IFT46: variants seen among roughly 807,000 people sequenced by gnomAD.
The protein encoded by IFT46 is intraflagellar transport protein 46 homolog.
IFT46 carries 19 observed loss-of-function variants against 39.6 expected under a neutral mutation model. The ratio of observed to expected loss-of-function variants is 0.48; its 90% CI spans 0.33 to 0.70. IFT46 has a LOEUF of 0.70. Ranked by LOEUF, IFT46 falls within the 30% of genes least tolerant of loss-of-function variation. The pLI is 0.01. For synonymous variants in IFT46, 117 were observed against 134.8 expected, an observed-to-expected ratio of 0.87 and a Z score of 0.91; for missense variants, 334 against 364.8, an observed-to-expected ratio of 0.92 and a Z score of 0.69.
upstream of IFT46, among the ~76,000 whole-genome samples, chr11:118,569,547 G>T (rs782716710): frequency 6.6e-6 from 1 of 152,164 alleles, no homozygotes; most frequent in Admixed American, 6.5e-5. Context: ...AAGGCCATTG[G>T]AGATGGAATT....
intron 9 of IFT46, among the ~76,000 whole-genome samples, chr11:118,549,803 G>A (rs544151104): frequency 7.3e-5 from 11 of 151,618 alleles, no homozygotes; most frequent in Non-Finnish European, 1.5e-4. Context: ...GATTACAGGC[G>A]TGAGCCACTG....
At chr11:118,553,671 A>G (rs1243185833) in intron 7 of IFT46, among the ~76,000 whole-genome samples, 1 of 152,232 alleles carries the variant, frequency 6.6e-6, no homozygotes, top group Admixed American at 6.5e-5. Flanking sequence ...ACCCAACAGA[A>G]TAACAATATA....
intron 1 of IFT46, chr11:118,572,354 C>CCCCCCCCCCCCTCT: frequency 1.4e-5 from 2 of 143,538 alleles, no homozygotes; most frequent in South Asian, 2.4e-4. Flanking sequence ...CCCCGCCCCC[C>CCCCCCCCCCCCTCT]CCCCCGCCCT....
intron 9 of IFT46, among the ~76,000 whole-genome samples, chr11:118,548,366 AC>A (rs1338143746): frequency 1.4e-5 from 2 of 138,196 alleles, no homozygotes; most frequent in African/African-American, 5.4e-5. Flanking sequence ...CTCCATTACG[AC>A]TTTTTTTTTT....
At chr11:118,572,910 C>A in exon 1 of IFT46, 1 of 294,038 alleles carries the variant, frequency 3.4e-6, no homozygotes, top group Non-Finnish European at 6.3e-6. Flanking sequence ...CCGCCGGTTC[C>A]CTGGCGCTTA....
At chr11:118,558,509 T>C (rs1430716790) in intron 3 of IFT46, among the ~76,000 whole-genome samples, 1 of 151,544 alleles carries the variant, frequency 6.6e-6, no homozygotes, top group Non-Finnish European at 1.5e-5. Context: ...GCAGGAGAAT[T>C]GCTTGAACCC....
chr11:118,555,265 G>A lies in IFT46; in HGVS notation c.243C>T (p.Leu81=). 6.2e-7 allele frequency: 1 copy of A among 1,613,966 alleles called. No homozygotes were observed. Among genetic ancestry groups the A allele is most frequent in the Middle Eastern group, 1.6e-4 (1 of 6,062 alleles). The change falls in exon 5 of 12, where the codon CTC becomes CTT. Residue 81 remains leucine, a synonymous_variant. Transcript: ENST00000264021. The part of the protein sequence containing the change: ...HLPVSAEIKE[L]FQYISRYTPQ... ...GTACTCACCTACTGATGTACTGGAA[G>A]AGTTCCTTAATTTCAGCAGAAACTG...
At chr11:118,572,665 G>C in exon 1 of IFT46, 5 of 1,384,750 alleles carry the variant, frequency 3.6e-6, no homozygotes, top group Non-Finnish European at 5.0e-6. Flanking sequence ...AGGGCAGAGT[G>C]CTTTTGCTCC....
At chr11:118,574,758 AT>A (rs150318642), upstream of IFT46, among the ~76,000 whole-genome samples, 25,143 of 147,810 alleles carry the variant, frequency 0.17, 2,652 homozygotes, top group East Asian at 0.53. Context: ...GCATCTTTTG[AT>A]TTTTTTTTTT....
chr11:118,555,550 A>G, intron 4 of IFT46: 1 of 434,864 alleles, frequency 2.3e-6, no homozygotes, highest in Non-Finnish European at 4.1e-6. Flanking sequence ...TCCAAAACAT[A>G]ATATTTTTTT....
intron 7 of IFT46, among the ~76,000 whole-genome samples, chr11:118,553,648 C>T (rs1937729965): frequency 6.6e-6 from 1 of 152,152 alleles, no homozygotes. Flanking sequence ...AGCAATTCTA[C>T]TCCTATGTAT....
chr11:118,561,296 GT>G, intron 2 of IFT46: 1 of 1,232,182 alleles, frequency 8.1e-7, no homozygotes, highest in Non-Finnish European at 1.2e-6. Context: ...GGGCCAGAAT[GT>G]TGCAGATTAC....
At chr11:118,569,052 A>T (rs1031200570), upstream of IFT46, among the ~76,000 whole-genome samples, 2 of 151,328 alleles carry the variant, frequency 1.3e-5, no homozygotes, top group Non-Finnish European at 2.9e-5. Flanking sequence ...AGGCTGAGGC[A>T]GGCAGATCAC....
At chr11:118,575,374 G>A (rs1325554930), upstream of IFT46, among the ~76,000 whole-genome samples, 1 of 151,822 alleles carries the variant, frequency 6.6e-6, no homozygotes, top group Non-Finnish European at 1.5e-5. Flanking sequence ...ATCTATTTAT[G>A]TCTTCATATA....
At chr11:118,545,547 G>A in intron 10 of IFT46, 53 bp from the exon 11 acceptor site, 1 of 1,456,100 alleles carries the variant, frequency 6.9e-7, no homozygotes. Flanking sequence ...CCGGGAATTA[G>A]AGGCCCTTCT....
intron 2 of IFT46, among the ~76,000 whole-genome samples, chr11:118,564,683 TAAAAAAAAAG>T (rs1357991732): frequency 6.7e-6 from 1 of 149,966 alleles, no homozygotes; most frequent in Non-Finnish European, 1.5e-5. Flanking sequence ...AAACATAAGT[TAAAAAAAAAG>T]AAAAGAAAAA....
chr11:118,554,440 T>C lies in IFT46; in HGVS notation c.483+19A>G, dbSNP rs145054030. 1.9e-6 allele frequency: 3 copies of C among 1,592,106 alleles called. No individual in the cohort carries two copies. In the African/African-American group the frequency reaches 4.0e-5, roughly 21 times the overall value. On this transcript the variant is annotated intron_variant, in intron 7 of 11. Coordinates refer to ENST00000264021, the MANE Select transcript of IFT46 (RefSeq NM_001168618.2). The stretch of plus-strand genomic sequence containing the variant: ...CTTGGCCCTCTCCAGCTGGGGCCTA[T>C]ACTAAGCTAGTATCTTACTGTGATG...
chr11:118,573,378 C>T (rs1480417112), upstream of IFT46, among the ~76,000 whole-genome samples: 4 of 151,952 alleles, frequency 2.6e-5, no homozygotes, highest in Non-Finnish European at 4.4e-5. Context: ...CCTTCCCATG[C>T]GTTATCTTTG....
rs75153455 is a variant in IFT46 at position 118,564,438 on chromosome 11, C to T, written c.-36+527G>A. ...TTTTAAAATGCTTGTTGGCCAGACACGATGGCTCACACCTATAATCCCAGC... is the reference window on the plus strand; with the variant it reads ...TTTTAAAATGCTTGTTGGCCAGACATGATGGCTCACACCTATAATCCCAGC... On this transcript the variant is annotated intron_variant, in intron 2 of 11. Coordinates refer to ENST00000264021, the MANE Select transcript of IFT46 (RefSeq NM_001168618.2). Among the ~76,000 whole-genome samples, 1,055 of 152,096 alleles carry T rather than the reference C, an allele frequency of 6.9e-3. 18 individuals carry two copies. Among genetic ancestry groups the T allele is most frequent in the African/African-American group, 0.024 (1,007 of 41,468 alleles).
Sources: gnomAD v4.1 joint callset for allele counts (sites outside exome capture counted in the v4.1 genomes callset) on GRCh38, gnomAD v4.1.1 for gene constraint, MANE v1.5 for transcripts, NCBI Gene and HGNC (gene_info 2026-07-23, HGNC 2026-07-21) for gene names.